TTC33: variants seen among roughly 807,000 people sequenced by gnomAD.
The protein encoded by TTC33 is tetratricopeptide repeat domain 33.
Under a neutral mutation model 29.4 loss-of-function variants are expected in TTC33, and 24 were observed. The observed-to-expected ratio is 0.82, with a 90% CI of 0.59 to 1.15. The LOEUF is 1.15. Ranked by LOEUF, TTC33 falls within the 50% of genes most tolerant of loss-of-function variation. The probability of loss-of-function intolerance (pLI) is 0.00; values close to 1 mark genes in which losing one functional copy is unlikely to be tolerated. For synonymous variants in TTC33, 107 were observed against 100.3 expected, an observed-to-expected ratio of 1.07 and a Z score of -0.40; for missense variants, 286 against 310.4, an observed-to-expected ratio of 0.92 and a Z score of 0.59.
chr5:40,725,855 A>G (rs1327284997), intron 4 of TTC33, among the ~76,000 whole-genome samples: 6 of 141,720 alleles, frequency 4.2e-5, no homozygotes, highest in African/African-American at 8.0e-5. Context: ...GCGCGATCTC[A>G]GCTCACTGCA....
intron 2 of TTC33, among the ~76,000 whole-genome samples, chr5:40,730,887 C>T (rs1296311140): frequency 6.6e-6 from 1 of 151,774 alleles, no homozygotes; most frequent in Non-Finnish European, 1.5e-5. Context: ...AATTTAACAC[C>T]CATTTCTGAT....
intron 2 of TTC33, among the ~76,000 whole-genome samples, chr5:40,738,383 C>A (rs1170575930): frequency 6.6e-6 from 1 of 150,666 alleles, no homozygotes; most frequent in Non-Finnish European, 1.5e-5. Context: ...CCACTGCAGT[C>A]CAGCCTGGGC....
At chr5:40,747,059 G>T in intron 1 of TTC33, 40 bp from the exon 2 acceptor site, 3 of 1,536,310 alleles carry the variant, frequency 2.0e-6, no homozygotes, top group Non-Finnish European at 2.7e-6. Flanking sequence ...ATTCTAACTT[G>T]ATCTTTTTTT....
rs1741993372 is a variant in TTC33 at position 40,716,183 on chromosome 5, T to C, written c.751A>G (p.Thr251Ala). The change falls in exon 5 of 5, where the codon ACA becomes GCA. Residue 251 changes from threonine (T) to alanine (A), a missense_variant. Transcript: ENST00000337702. ...ATAAAAACAGAGCCATCTGGTGGTG[T>C]AGCACCATCCTCCTTTTCAGTTACA... ...ETVTEKEDGA[T>A]PPDGSVFIKA... 2.5e-6 allele frequency: 4 copies of C among 1,613,732 alleles called. No homozygotes were observed. Among genetic ancestry groups the C allele is most frequent in the South Asian group, 1.1e-5 (1 of 91,022 alleles).
intron 4 of TTC33, among the ~76,000 whole-genome samples, chr5:40,717,976 C>T (rs892012115): frequency 6.6e-6 from 1 of 151,488 alleles, no homozygotes; most frequent in Non-Finnish European, 1.5e-5. Context: ...GCAGGAGAAT[C>T]GCTTGAACTC....
intron 4 of TTC33, among the ~76,000 whole-genome samples, chr5:40,721,744 G>T (rs1364823231): frequency 6.6e-6 from 1 of 151,998 alleles, no homozygotes; most frequent in Admixed American, 6.5e-5. Context: ...TCTTAAAAAT[G>T]ATTTCCTGAA....
intron 1 of TTC33, among the ~76,000 whole-genome samples, chr5:40,752,410 A>G (rs1742912899): frequency 6.6e-6 from 1 of 152,240 alleles, no homozygotes; most frequent in South Asian, 2.1e-4. Context: ...TTGGCTTTCA[A>G]CAGGTCTTCC....
At chr5:40,724,764 A>G (rs1477277631) in intron 4 of TTC33, among the ~76,000 whole-genome samples, 1 of 152,178 alleles carries the variant, frequency 6.6e-6, no homozygotes, top group Admixed American at 6.5e-5. Context: ...ATAATTCAAG[A>G]ATTTGTACTA....
intron 2 of TTC33, among the ~76,000 whole-genome samples, chr5:40,736,390 T>C (rs1742552283): frequency 6.6e-6 from 1 of 152,206 alleles, no homozygotes; most frequent in Admixed American, 6.5e-5. Flanking sequence ...AAATGCATGG[T>C]AAATTCTAAT....
At chr5:40,738,749 A>C (rs1742628891) in intron 2 of TTC33, among the ~76,000 whole-genome samples, 1 of 152,108 alleles carries the variant, frequency 6.6e-6, no homozygotes, top group Non-Finnish European at 1.5e-5. Flanking sequence ...TCTAGTAACT[A>C]GGTAATAGTA....
Position 40,715,785 on chromosome 5 carries a change from T to A in TTC33, c.*360A>T, listed in dbSNP as rs563409523. On this transcript the variant is annotated 3_prime_UTR_variant, in exon 5 of 5. Transcript: ENST00000337702. ...GGGAAATCACACACTTCCTTTATCA[T>A]AAAACAAAAGTTGAGACAGCATTTC... 8.7e-5 allele frequency: 15 copies of A among 173,336 alleles called. No individual in the cohort carries two copies. Among genetic ancestry groups the A allele is most frequent in the Middle Eastern group, 2.6e-3 (1 of 380 alleles). The allele number at this position is 173,336 out of a possible 1,614,324, so 10.7% of individuals were successfully genotyped here. A position where few individuals can be genotyped will look rare whatever the true frequency, so the allele number is the denominator to read the frequency against.
intron 2 of TTC33, among the ~76,000 whole-genome samples, chr5:40,737,940 T>C (rs1169791948): frequency 1.3e-5 from 2 of 152,256 alleles, no homozygotes; most frequent in African/African-American, 2.4e-5. Context: ...TACCACAATT[T>C]ATTCATTCAT....
chr5:40,741,174 T>C (rs1193248059), intron 2 of TTC33, among the ~76,000 whole-genome samples: 1 of 152,232 alleles, frequency 6.6e-6, no homozygotes, highest in Non-Finnish European at 1.5e-5. Context: ...TGACTAAAAA[T>C]GTTAGGCTCT....
chr5:40,722,303 A>T (rs1742153216), intron 4 of TTC33, among the ~76,000 whole-genome samples: 2 of 152,116 alleles, frequency 1.3e-5, no homozygotes, highest in African/African-American at 4.8e-5. Flanking sequence ...AAGTGCCGAG[A>T]TTGCATCCTC....
At position 40,724,120 on chromosome 5, in the gene TTC33, A is replaced by C. The variant is rs115297325; in HGVS notation, c.435+4225T>G. 7.8e-3 allele frequency among the ~76,000 whole-genome samples: 1,182 copies of C among 152,358 alleles called. 11 individuals are homozygous for C. Among genetic ancestry groups the C allele is most frequent in the African/African-American group, 0.026 (1,069 of 41,568 alleles). The stretch of plus-strand genomic sequence containing the variant: ...TTCACGATAGCCAATATGTAGAAAC[A>C]ACCTAAATGTCCATCAAAGGAAGAA... On this transcript the variant is annotated intron_variant, in intron 4 of 4. Coordinates refer to ENST00000337702, the MANE Select transcript of TTC33 (RefSeq NM_012382.3).
chr5:40,717,640 C>T (rs148920020), intron 4 of TTC33, among the ~76,000 whole-genome samples: 370 of 152,328 alleles, frequency 2.4e-3, no homozygotes, highest in African/African-American at 8.6e-3. Flanking sequence ...CTAGACATGG[C>T]AAATGTTCTC....
At chr5:40,739,738 T>C (rs190929608) in intron 2 of TTC33, among the ~76,000 whole-genome samples, 8 of 152,362 alleles carry the variant, frequency 5.3e-5, no homozygotes, top group Non-Finnish European at 8.8e-5. Context: ...CCTGTTTTTT[T>C]CATAAATTAT....
chr5:40,753,442 G>C (rs1444111057), intron 1 of TTC33, among the ~76,000 whole-genome samples: 2 of 152,112 alleles, frequency 1.3e-5, no homozygotes, highest in African/African-American at 4.8e-5. Flanking sequence ...CTTTCCACAG[G>C]AACTGAGATT....
Position 40,712,317 on chromosome 5 carries a change from T to C in TTC33, c.*3828A>G, listed in dbSNP as rs1741912945. Among the ~76,000 whole-genome samples, 1 of 152,182 alleles carries C rather than the reference T, an allele frequency of 6.6e-6. No homozygotes were observed. Among genetic ancestry groups the C allele is most frequent in the South Asian group, 2.1e-4 (1 of 4,834 alleles). On this transcript the variant is annotated 3_prime_UTR_variant, in exon 5 of 5. Transcript: ENST00000337702. Reference sequence around the variant, plus strand: ...GGAAAGAATTCCCACATGTGGTTTTTAATATATCTCATGCTTACTTCGAAA... The same window carrying C: ...GGAAAGAATTCCCACATGTGGTTTTCAATATATCTCATGCTTACTTCGAAA...
Sources: allele counts gnomAD v4.1 joint callset (sites outside exome capture counted in the v4.1 genomes callset), GRCh38; gene constraint gnomAD v4.1.1; transcripts MANE v1.5; gene names NCBI Gene and HGNC (gene_info 2026-07-23, HGNC 2026-07-21).